ACTR2: variants seen among roughly 807,000 people sequenced by gnomAD.
ACTR2 encodes the protein actin-related protein 2.
ACTR2 carries 5 observed loss-of-function variants against 50.2 expected under a neutral mutation model. That is an observed-to-expected ratio of 0.10 (90% CI 0.05 to 0.21). The LOEUF is 0.21. ACTR2 is among the 10% of genes least tolerant of loss of function. ACTR2 has a pLI of 1.00. For missense variants in ACTR2, 180 were observed against 480.6 expected (o/e 0.37, Z 5.85); for synonymous variants, 140 against 162.9 (o/e 0.86, Z 1.07).
At chr2:65,257,147 G>A (rs1404957511) in intron 6 of ACTR2, among the ~76,000 whole-genome samples, 1 of 150,070 alleles carries the variant, frequency 6.7e-6, no homozygotes, top group South Asian at 2.1e-4. Context: ...CCCTCCCTGT[G>A]CCCATATGTT....
chr2:65,235,169 GGT>G (rs35663752), intron 1 of ACTR2, among the ~76,000 whole-genome samples: 22,322 of 149,556 alleles, frequency 0.15, 1,946 homozygotes, highest in Non-Finnish European at 0.2. Flanking sequence ...GTGTGTGAGA[GGT>G]GTGTGTGTGT....
chr2:65,266,856 C>A (rs929180107), intron 8 of ACTR2, among the ~76,000 whole-genome samples: 6 of 152,160 alleles, frequency 3.9e-5, no homozygotes, highest in Admixed American at 1.3e-4. Flanking sequence ...TGTTTCTTTC[C>A]TATCTTGTTC....
chr2:65,235,614 G>T (rs1444726564), intron 1 of ACTR2, among the ~76,000 whole-genome samples: 1 of 152,088 alleles, frequency 6.6e-6, no homozygotes, highest in African/African-American at 2.4e-5. Context: ...AATTAGCCAG[G>T]TGCAGTGGCG....
At chr2:65,240,262 T>G (rs1313373697) in intron 2 of ACTR2, among the ~76,000 whole-genome samples, 1 of 152,240 alleles carries the variant, frequency 6.6e-6, no homozygotes, top group Non-Finnish European at 1.5e-5. Context: ...TTACATAATA[T>G]AATTTTTAAA....
intron 4 of ACTR2, among the ~76,000 whole-genome samples, chr2:65,252,366 T>G (rs1460678093): frequency 6.6e-6 from 1 of 151,776 alleles, no homozygotes; most frequent in African/African-American, 2.4e-5. Context: ...TTAGGCCGGG[T>G]GTGGTGGCTC....
intron 4 of ACTR2, among the ~76,000 whole-genome samples, chr2:65,253,275 AC>A (rs1331112958): frequency 6.6e-6 from 1 of 152,050 alleles, no homozygotes; most frequent in Non-Finnish European, 1.5e-5. Flanking sequence ...CTCTGTCTCT[AC>A]AAAAAAATTA....
In ACTR2 at chr2:65,270,369, G is replaced by GT. The variant is rs1239141677; in HGVS notation, c.*1641dup. ...TATGTAGCTTCTGTTAATATTAAGT[G>GT]TTTTTTGTCTGTTTTACCTCAATTT... is the stretch of plus-strand genomic sequence containing the variant. On this transcript the variant is annotated 3_prime_UTR_variant, in exon 9 of 9. Transcript: ENST00000260641. The GT allele has an allele frequency of 3.3e-5, 5 of 152,492 alleles. No individual in the cohort carries two copies. Among genetic ancestry groups the GT allele is most frequent in the Non-Finnish European group, 7.4e-5 (5 of 68,018 alleles). 9.4% of individuals were successfully genotyped at this position (152,492 alleles called of 1,614,324 possible). A position where few individuals can be genotyped will look rare whatever the true frequency, so the allele number is the denominator to read the frequency against.
intron 7 of ACTR2, among the ~76,000 whole-genome samples, chr2:65,264,183 T>C (rs1236246521): frequency 2.0e-5 from 3 of 152,226 alleles, no homozygotes; most frequent in Non-Finnish European, 4.4e-5. Flanking sequence ...AAATTTTGTT[T>C]TGTGTGTTCT....
intron 1 of ACTR2, among the ~76,000 whole-genome samples, chr2:65,230,027 G>A (rs1671605970): frequency 6.6e-6 from 1 of 151,914 alleles, no homozygotes; most frequent in African/African-American, 2.4e-5. Flanking sequence ...AAGATGGAGA[G>A]GACTTCATGA....
intron 7 of ACTR2, among the ~76,000 whole-genome samples, chr2:65,262,937 G>T (rs1573169315): frequency 6.6e-6 from 1 of 151,710 alleles, no homozygotes; most frequent in African/African-American, 2.4e-5. Context: ...CTGCACTCCA[G>T]CCTGGGTGAC....
chr2:65,252,293 GTA>G (rs891204670), intron 4 of ACTR2, among the ~76,000 whole-genome samples: 1 of 151,792 alleles, frequency 6.6e-6, no homozygotes, highest in Non-Finnish European at 1.5e-5. Context: ...TTCAAGGGCT[GTA>G]TATGAGTTTT....
intron 2 of ACTR2, chr2:65,242,610 C>T: frequency 2.0e-6 from 1 of 500,264 alleles, no homozygotes; most frequent in Non-Finnish European, 4.0e-6. Context: ...TACTGATGAG[C>T]AGATTTCACA....
At chr2:65,250,037 G>A (rs1012811718) in intron 3 of ACTR2, among the ~76,000 whole-genome samples, 4 of 152,166 alleles carry the variant, frequency 2.6e-5, no homozygotes, top group African/African-American at 4.8e-5. Context: ...ACGAGGCTCT[G>A]TAAAGCAATT....
chr2:65,267,202 A>C (rs1217437695), intron 8 of ACTR2, among the ~76,000 whole-genome samples: 1 of 152,190 alleles, frequency 6.6e-6, no homozygotes, highest in Admixed American at 6.5e-5. Flanking sequence ...TTATTGGAAC[A>C]CAGCCAAGCC....
At chr2:65,235,728 C>T (rs1362340364) in intron 1 of ACTR2, among the ~76,000 whole-genome samples, 1 of 152,132 alleles carries the variant, frequency 6.6e-6, no homozygotes, top group Non-Finnish European at 1.5e-5. Context: ...GCACTCCAGC[C>T]TGGATGACCG....
intron 1 of ACTR2, among the ~76,000 whole-genome samples, chr2:65,230,396 G>A (rs1671612226): frequency 6.9e-6 from 1 of 145,626 alleles, no homozygotes; most frequent in Admixed American, 7.1e-5. Flanking sequence ...AATGTTAACC[G>A]AAGCTGATTT....
intron 7 of ACTR2, among the ~76,000 whole-genome samples, chr2:65,262,394 A>ATTT (rs959959939): frequency 2.2e-5 from 3 of 137,552 alleles, no homozygotes; most frequent in Non-Finnish European, 3.2e-5. Flanking sequence ...CATGCCCAGA[A>ATTT]TTTTTTTTTT....
chr2:65,266,055 A>C (rs144291174), intron 8 of ACTR2, among the ~76,000 whole-genome samples: 1 of 152,332 alleles, frequency 6.6e-6, no homozygotes, highest in African/African-American at 2.4e-5. Context: ...TTTTACATAT[A>C]ATTTATAATT....
In ACTR2 at chr2:65,246,509, G is replaced by T; in HGVS notation, c.160-15G>T. 1.3e-6 allele frequency: 2 copies of T among 1,555,494 alleles called. No individual in the cohort carries two copies. Among genetic ancestry groups the T allele is most frequent in the South Asian group, 2.4e-5 (2 of 82,954 alleles). ...ATGCAAAACTTTGATCTACAGCTTT[G>T]ACATAATTTTCTAGGATCTTATGGT... On this transcript the variant is annotated splice_polypyrimidine_tract_variant and intron_variant, in intron 2 of 8. Coordinates refer to ENST00000260641, the MANE Select transcript of ACTR2 (RefSeq NM_005722.4).
Sources: allele counts gnomAD v4.1 joint callset (sites outside exome capture counted in the v4.1 genomes callset), GRCh38; gene constraint gnomAD v4.1.1; transcripts MANE v1.5; gene names NCBI Gene and HGNC (gene_info 2026-07-23, HGNC 2026-07-21).